The following OR1L8 variants were observed in gnomAD, a reference collection of about 807,000 sequenced individuals.
OR1L8 encodes the protein olfactory receptor 1L8.
For missense variants in OR1L8, 330 were observed against 377.4 expected, an observed-to-expected ratio of 0.87 and a Z score of 1.04; for synonymous variants, 148 against 147.0, an observed-to-expected ratio of 1.01 and a Z score of -0.05.
In OR1L8 at chr9:122,567,184, A is replaced by G. The variant is rs190874006; in HGVS notation, c.*364T>C. On this transcript the variant is annotated 3_prime_UTR_variant, in exon 5 of 5. Transcript: ENST00000641027. ...AACATTCAATGGCTACAAATTACAC[A>G]TTTTTCAGCAATATATTGAAATGTG... The G allele has an allele frequency of 1.4e-3, 235 of 167,386 alleles. 2 individuals carry two copies. Among genetic ancestry groups the G allele is most frequent in the African/African-American group, 5.4e-3 (227 of 42,182 alleles). The allele number at this position is 167,386 out of a possible 1,614,324, so 10.4% of individuals were successfully genotyped here.
chr9:122,562,892 A>G (rs1829374800), downstream of OR1L8, among the ~76,000 whole-genome samples: 1 of 152,198 alleles, frequency 6.6e-6, no homozygotes, highest in Non-Finnish European at 1.5e-5. Flanking sequence ...TTGTGCACAT[A>G]TAGCACTTAA....
the OR1L8 span, chr9:122,554,059 T>C: frequency 1.2e-6 from 2 of 1,613,286 alleles, no homozygotes; most frequent in African/African-American, 2.7e-5. Context: ...CTCTATATGG[T>C]GATTATTCCC....
intron 3 of OR1L8, among the ~76,000 whole-genome samples, chr9:122,573,754 C>T (rs1345072763): frequency 2.0e-5 from 3 of 152,072 alleles, no homozygotes; most frequent in Admixed American, 6.5e-5. Flanking sequence ...TTAATGAAGT[C>T]CAGCTTATGA....
At chr9:122,558,066 T>G in the OR1L8 span, among the ~76,000 whole-genome samples, 1 of 151,884 alleles carries the variant, frequency 6.6e-6, no homozygotes, top group East Asian at 1.9e-4. Flanking sequence ...TTTATTCATT[T>G]CTGATATTAG....
intron 4 of OR1L8, among the ~76,000 whole-genome samples, chr9:122,571,280 G>A (rs562858283): frequency 3.8e-4 from 58 of 152,174 alleles, no homozygotes; most frequent in East Asian, 2.5e-3. Flanking sequence ...TGCCGGGCGC[G>A]GTGGCTCACA....
chr9:122,554,386 A>T, the OR1L8 span, among the ~76,000 whole-genome samples: 3 of 152,206 alleles, frequency 2.0e-5, no homozygotes, highest in South Asian at 6.2e-4. Context: ...AACCATTACT[A>T]ACAGCAAAAC....
At chr9:122,551,661 G>T in the OR1L8 span, among the ~76,000 whole-genome samples, 2 of 152,070 alleles carry the variant, frequency 1.3e-5, no homozygotes, top group African/African-American at 4.8e-5. Flanking sequence ...CCACATTTGA[G>T]ATCTTAACCC....
chr9:122,547,927 A>AT, the OR1L8 span, among the ~76,000 whole-genome samples: 1 of 152,052 alleles, frequency 6.6e-6, no homozygotes, highest in African/African-American at 2.4e-5. Context: ...TAAGTATTCA[A>AT]TTTTCTCTGT....
chr9:122,557,036 G>A, the OR1L8 span, among the ~76,000 whole-genome samples: 1 of 152,058 alleles, frequency 6.6e-6, no homozygotes, highest in Non-Finnish European at 1.5e-5. Context: ...AATTCCATTT[G>A]TTCATTGCTG....
chr9:122,559,241 A>T, the OR1L8 span, among the ~76,000 whole-genome samples: 1 of 151,418 alleles, frequency 6.6e-6, no homozygotes, highest in South Asian at 2.1e-4. Context: ...CCACTATTTT[A>T]CTCTCTACTT....
intron 1 of OR1L8, among the ~76,000 whole-genome samples, chr9:122,580,831 C>T (rs116073355): frequency 0.026 from 3,915 of 151,270 alleles, 116 homozygotes; most frequent in African/African-American, 0.061. Context: ...GCTGAAGCTA[C>T]TACACTGTGG....
chr9:122,547,348 TTTGA>T, the OR1L8 span, among the ~76,000 whole-genome samples: 1 of 152,082 alleles, frequency 6.6e-6, no homozygotes, highest in Admixed American at 6.6e-5. Flanking sequence ...TTAAAAACAA[TTTGA>T]TTGTTTTATT....
chr9:122,574,807 A>G (rs1338214014), intron 3 of OR1L8, among the ~76,000 whole-genome samples: 1 of 152,062 alleles, frequency 6.6e-6, no homozygotes, highest in African/African-American at 2.4e-5. Flanking sequence ...GCCATCATGT[A>G]TAATGTTAGT....
At chr9:122,553,628 G>A in the OR1L8 span, 1 of 1,614,068 alleles carries the variant, frequency 6.2e-7, no homozygotes, top group Non-Finnish European at 8.5e-7. Flanking sequence ...GCACATCTAT[G>A]AGTCCCCAGC....
the OR1L8 span, chr9:122,553,277 G>A: frequency 6.2e-7 from 1 of 1,613,962 alleles, no homozygotes; most frequent in Non-Finnish European, 8.5e-7. Context: ...GACTCTCTGA[G>A]TGGCCAGAGG....
At chr9:122,557,234 A>G in the OR1L8 span, among the ~76,000 whole-genome samples, 2 of 152,098 alleles carry the variant, frequency 1.3e-5, no homozygotes, top group East Asian at 1.9e-4. Flanking sequence ...TGTCTTATGC[A>G]TTACTAGGAC....
At position 122,568,446 on chromosome 9, in the gene OR1L8, G is replaced by C. The variant is rs1377117166; in HGVS notation, c.32C>G (p.Ser11Cys). 3 of 1,608,364 alleles carry C rather than the reference G, an allele frequency of 1.9e-6. No individual in the cohort carries two copies. Among genetic ancestry groups the C allele is most frequent in the East Asian group, 4.5e-5 (2 of 44,818 alleles). Residue 11 changes from serine to cysteine, a missense_variant, in exon 5 of 5, where the codon TCC (serine) becomes TGC (cysteine). Coordinates refer to ENST00000641027, the MANE Select transcript of OR1L8 (RefSeq NM_001004454.2). MERINHTSSV[S>C]EFILLGLSSR... The stretch of plus-strand genomic sequence containing the variant: ...GGAGAGTCCCAGGAGGATAAACTCG[G>C]AGACACTGCTGGTGTGGTTGATTCT...
downstream of OR1L8, among the ~76,000 whole-genome samples, chr9:122,564,902 T>C (rs983626563): frequency 6.6e-6 from 1 of 152,222 alleles, no homozygotes; most frequent in Non-Finnish European, 1.5e-5. Context: ...CGACCACTTG[T>C]CCTTCCACAA....
chr9:122,568,414 G>A lies in OR1L8; in HGVS notation c.64C>T (p.Pro22Ser), dbSNP rs984533815. ...ACAAAGAGTGTCTTTTGGTCCTCAG[G>A]CCGGGAGGAGAGTCCCAGGAGGATA... ...EFILLGLSSR[P>S]EDQKTLFVLF... Residue 22 changes from proline (P) to serine (S), a missense_variant, in exon 5 of 5, where the codon CCT becomes TCT. Pro to Ser is a moderately conservative substitution (Grantham distance 74, BLOSUM62 -1). Transcript: ENST00000641027. The A allele has an allele frequency of 1.2e-6, 2 of 1,613,218 alleles. No individual in the cohort carries two copies. Among genetic ancestry groups the A allele is most frequent in the Admixed American group, 1.7e-5 (1 of 59,982 alleles).
Sources: gnomAD v4.1 joint callset for allele counts (sites outside exome capture counted in the v4.1 genomes callset) on GRCh38, gnomAD v4.1.1 for gene constraint, MANE v1.5 for transcripts, NCBI Gene and HGNC (gene_info 2026-07-23, HGNC 2026-07-21) for gene names.